The following CLEC16A variants were observed in gnomAD, a reference collection of about 807,000 sequenced individuals.
CLEC16A encodes the protein C-type lectin domain containing 16A.
In CLEC16A, 51 loss-of-function variants were observed where a neutral mutation model predicts 109.5. That is an observed-to-expected ratio of 0.47 (90% confidence interval 0.37 to 0.59). The LOEUF (loss-of-function observed/expected upper bound fraction) is 0.59, where lower values mean the gene tolerates loss of function less well. Ranked by LOEUF, CLEC16A falls within the 20% of genes least tolerant of loss-of-function variation. CLEC16A has a pLI of 0.00. For synonymous variants in CLEC16A, 673 were observed against 564.2 expected (o/e 1.19, Z -2.73); for missense variants, 1,339 against 1,394.0 (o/e 0.96, Z 0.63).
At chr16:11,026,941 C>T in intron 13 of CLEC16A, 1 of 1,194,334 alleles carries the variant, frequency 8.4e-7, no homozygotes, top group African/African-American at 1.5e-5. Context: ...GAACAGACGT[C>T]TCTATGGTCA....
At chr16:11,107,327 A>G (rs942918891) in intron 19 of CLEC16A, among the ~76,000 whole-genome samples, 1 of 152,132 alleles carries the variant, frequency 6.6e-6, no homozygotes, top group Non-Finnish European at 1.5e-5. Flanking sequence ...CTCTCTGTCC[A>G]GGAAATATCA....
rs2068653458 is a variant in CLEC16A at position 11,174,297 on chromosome 16, C to T, written c.2807-4038C>T. ...ATTCAGGCAGGTCTCCCCTGTGAGC[C>T]GCTCGGGCCGCGACGTCCACTCGCC... On this transcript the variant is annotated intron_variant, in intron 23 of 23. Transcript: ENST00000409790. This position sits in a 1 kb window ranked among gnomAD's most constrained non-coding sequence, Gnocchi z 4.7. The T allele has an allele frequency of 8.9e-6, 4 of 447,382 alleles. No individual in the cohort carries two copies. Among genetic ancestry groups the T allele is most frequent in the South Asian group, 3.1e-5 (2 of 64,064 alleles). 27.7% of individuals were successfully genotyped at this position (447,382 alleles called of 1,614,324 possible).
chr16:11,170,419 G>A (rs181086774), intron 23 of CLEC16A, among the ~76,000 whole-genome samples: 4 of 152,338 alleles, frequency 2.6e-5, no homozygotes, highest in East Asian at 3.9e-4. Flanking sequence ...TGGGTTTTCC[G>A]CCTCCAGCCT....
At chr16:11,000,093 C>T (rs1478392732) in intron 10 of CLEC16A, among the ~76,000 whole-genome samples, 2 of 152,232 alleles carry the variant, frequency 1.3e-5, no homozygotes, top group African/African-American at 4.8e-5. Context: ...CTGCCTGGGC[C>T]TCCCAAAGTG....
At chr16:10,965,580 G>C (rs969483696) in intron 3 of CLEC16A, among the ~76,000 whole-genome samples, 1 of 152,138 alleles carries the variant, frequency 6.6e-6, no homozygotes, top group Non-Finnish European at 1.5e-5. Flanking sequence ...ACCTGACCAC[G>C]GGCATTTAGG....
intron 19 of CLEC16A, among the ~76,000 whole-genome samples, chr16:11,085,377 T>A (rs919848416): frequency 6.6e-6 from 1 of 152,226 alleles, no homozygotes; most frequent in Non-Finnish European, 1.5e-5. Flanking sequence ...TCAGGTTGAG[T>A]GCCCGTGGAG....
chr16:11,125,930 C>A, intron 21 of CLEC16A, 49 bp from the exon 22 acceptor site: 3 of 857,972 alleles, frequency 3.5e-6, no homozygotes, highest in Middle Eastern at 3.9e-4. Context: ...CTCACCACCC[C>A]CCTCTATCCC....
intron 19 of CLEC16A, among the ~76,000 whole-genome samples, chr16:11,069,419 G>A (rs1477685838): frequency 6.6e-6 from 1 of 151,258 alleles, no homozygotes; most frequent in Admixed American, 6.6e-5. Flanking sequence ...ATGAGTCACT[G>A]TGTCTGGCCT....
rs200992476 is a variant in CLEC16A at position 11,180,162 on chromosome 16, A to G, written c.*1472A>G. On this transcript the variant is annotated 3_prime_UTR_variant, in exon 24 of 24. Transcript: ENST00000409790. ...CGCGCTGAGATCTTTTGCCACCTGC[A>G]TTTTAGAAGAACATGGTCTCTGTCT... 6.6e-6 allele frequency: 1 copy of G among 152,296 alleles called. No individual in the cohort carries two copies. Among genetic ancestry groups the G allele is most frequent in the Non-Finnish European group, 1.5e-5 (1 of 68,118 alleles). 9.4% of individuals were successfully genotyped at this position (152,296 alleles called of 1,614,324 possible). A position where few individuals can be genotyped will look rare whatever the true frequency, so the allele number is the denominator to read the frequency against.
chr16:11,077,637 G>A (rs1187880438), intron 19 of CLEC16A, among the ~76,000 whole-genome samples: 3 of 151,966 alleles, frequency 2.0e-5, no homozygotes, highest in Non-Finnish European at 2.9e-5. Flanking sequence ...TCAGCCTAGG[G>A]GACAACGTGA....
Position 11,179,449 on chromosome 16 carries a change from G to C in CLEC16A, c.*759G>C, listed in dbSNP as rs1379787854. The C allele has an allele frequency of 6.6e-6, 1 of 152,232 alleles. No individual in the cohort carries two copies. The allele number at this position is 152,232 out of a possible 1,614,324, so 9.4% of individuals were successfully genotyped here. ...ATACATGTATTCTCAGGTACACACA[G>C]AGCTGAGAGGGCTGAATGGTTTTCT... On this transcript the variant is annotated 3_prime_UTR_variant, in exon 24 of 24. Transcript: ENST00000409790.
chr16:11,178,335 A>C lies in CLEC16A; in HGVS notation c.2807A>C (p.Asp936Ala). 1 of 1,601,342 alleles carries C rather than the reference A, an allele frequency of 6.2e-7. No homozygotes were observed. The highest frequency in any genetic ancestry group is 8.5e-7 in the Non-Finnish European group (1 of 1,170,354). ...TTCCGGTTTTTCTCCCCCAATCCAG[A>C]TGCCCCCATGAGTCCAGAACTGCCT... Reference protein sequence around the residue: ...STPSTAQSPADAPMSPELPKP... With the variant: ...STPSTAQSPAAAPMSPELPKP... The change falls in exon 24 of 24, where the codon GAT becomes GCT. Residue 936 changes from aspartate (D) to alanine (A), a missense_variant and splice_region_variant. Asp to Ala is a moderately radical substitution (Grantham distance 126, BLOSUM62 -2). This residue lies in a region of CLEC16A where 1,061 missense variants were observed against 1,006.8 expected (regional missense o/e 1.05). Transcript: ENST00000409790. The surrounding 1 kb of genome is among the most constrained non-coding windows in gnomAD (Gnocchi z 6.5).
intron 2 of CLEC16A, among the ~76,000 whole-genome samples, chr16:10,958,629 C>A (rs182893756): frequency 2.0e-5 from 3 of 152,292 alleles, no homozygotes; most frequent in African/African-American, 7.2e-5. Flanking sequence ...GGCCGCCAGG[C>A]GCGGTGGCTC....
chr16:11,138,043 G>A (rs938197532), intron 22 of CLEC16A, among the ~76,000 whole-genome samples: 5 of 152,204 alleles, frequency 3.3e-5, no homozygotes, highest in South Asian at 2.1e-4. Context: ...GCCAGGGTAC[G>A]GGACCGCCTG....
chr16:10,956,086 G>T (rs1332886106), intron 1 of CLEC16A, among the ~76,000 whole-genome samples: 1 of 152,240 alleles, frequency 6.6e-6, no homozygotes, highest in Non-Finnish European at 1.5e-5. Context: ...AGTGCTGTTT[G>T]AGTTACCTAA....
At chr16:11,113,807 A>G (rs987364726) in intron 19 of CLEC16A, among the ~76,000 whole-genome samples, 1 of 152,244 alleles carries the variant, frequency 6.6e-6, no homozygotes, top group African/African-American at 2.4e-5. Flanking sequence ...CACAGAAGGA[A>G]TAAACACATT....
At chr16:11,072,471 G>A (rs1226141900) in intron 19 of CLEC16A, among the ~76,000 whole-genome samples, 1 of 151,970 alleles carries the variant, frequency 6.6e-6, no homozygotes, top group African/African-American at 2.4e-5. Context: ...AAATAAAAAG[G>A]AAGGGACGAG....
Position 11,095,937 on chromosome 16 carries a change from A to G in CLEC16A, c.2117-24678A>G, listed in dbSNP as rs147496581. Among the ~76,000 whole-genome samples, 1,225 of 152,076 alleles carry G rather than the reference A, an allele frequency of 8.1e-3. 20 individuals carry two copies. The highest frequency in any genetic ancestry group is 0.028 in the African/African-American group (1,168 of 41,480). ...ACTCCTGGGTTCAAGCAGTCTTCCC[A>G]CTTCAGCCTCCCAAGTAGCTAGGAC... is the stretch of plus-strand genomic sequence containing the variant. On this transcript the variant is annotated intron_variant, in intron 19 of 23. Coordinates refer to ENST00000409790, the MANE Select transcript of CLEC16A (RefSeq NM_015226.3).
In CLEC16A at chr16:11,160,010, C is replaced by G. The variant is rs559208451; in HGVS notation, c.2642-6378C>G. ...GTGCTTTTGAGTTGAGTGGAGAATC[C>G]CCAAATTGAATTCAGAGCCAACTGG... On this transcript the variant is annotated intron_variant, in intron 22 of 23. Coordinates refer to ENST00000409790, the MANE Select transcript of CLEC16A (RefSeq NM_015226.3). Among the ~76,000 whole-genome samples the G allele has an allele frequency of 5.9e-5, 9 of 152,116 alleles. No individual in the cohort carries two copies. The East Asian group carries it at 9.7e-4, about 16-fold the overall frequency.
Sources: allele counts gnomAD v4.1 joint callset (sites outside exome capture counted in the v4.1 genomes callset), GRCh38; gene constraint gnomAD v4.1.1; regional missense constraint gnomAD v4.1.1; non-coding constraint Gnocchi (gnomAD v3.1); transcripts MANE v1.5; gene names NCBI Gene and HGNC (gene_info 2026-07-23, HGNC 2026-07-21).